The following RASGRF2 variants were observed in gnomAD, a reference collection of about 807,000 sequenced individuals.
The protein encoded by RASGRF2 is Ras protein specific guanine nucleotide releasing factor 2, also known as ras-specific guanine nucleotide-releasing factor 2.
In RASGRF2, 76 loss-of-function variants were observed where a neutral mutation model predicts 151.0. The observed-to-expected ratio is 0.50, with a 90% confidence interval of 0.42 to 0.61. RASGRF2 has a LOEUF of 0.61. RASGRF2 is among the 20% of genes least tolerant of loss of function. RASGRF2 has a pLI of 0.00. For synonymous variants in RASGRF2, 504 were observed against 566.5 expected (o/e 0.89, Z 1.57); for missense variants, 1,148 against 1,564.6 (o/e 0.73, Z 4.49).
At chr5:81,190,591 CTTTTT>C (rs924837725) in intron 18 of RASGRF2, among the ~76,000 whole-genome samples, 1 of 151,970 alleles carries the variant, frequency 6.6e-6, no homozygotes, top group Non-Finnish European at 1.5e-5. Flanking sequence ...ATTTTCTTTT[CTTTTT>C]TTTAATTCCA....
At chr5:80,980,368 A>T (rs1461049866) in intron 1 of RASGRF2, among the ~76,000 whole-genome samples, 1 of 152,146 alleles carries the variant, frequency 6.6e-6, no homozygotes, top group Non-Finnish European at 1.5e-5. Flanking sequence ...GGCTGGGTGC[A>T]GTGGTTCATG....
chr5:81,219,849 A>AT lies in RASGRF2; in HGVS notation c.3621+71_3621+72insT, dbSNP rs1755821347. 3.1e-6 allele frequency: 4 copies of AT among 1,305,418 alleles called. No individual in the cohort carries two copies. The Admixed American group carries it at 8.0e-5, about 26-fold the overall frequency. The allele number at this position is 1,305,418 out of a possible 1,614,324, so 80.9% of individuals were successfully genotyped here. On this transcript the variant is annotated intron_variant, in intron 26 of 26. Coordinates refer to ENST00000265080, the MANE Select transcript of RASGRF2 (RefSeq NM_006909.3). ...AATTAATGAATTAGAAAACAACAGT[A>AT]AAAGTTGATCCAAAATACCAAAAGC... is the stretch of plus-strand genomic sequence containing the variant.
intron 1 of RASGRF2, among the ~76,000 whole-genome samples, chr5:81,008,139 C>CTTTTTTTTTTTTTTTTTTTTTTTT (rs58105434): frequency 4.7e-5 from 4 of 85,388 alleles, no homozygotes; most frequent in Non-Finnish European, 8.9e-5. Flanking sequence ...TCTTTCTTTC[C>CTTTTTTTTTTTTTTTTTTTTTTTT]TTTTTTTTTT....
At chr5:81,126,563 C>G (rs975462691) in intron 16 of RASGRF2, among the ~76,000 whole-genome samples, 10 of 152,090 alleles carry the variant, frequency 6.6e-5, no homozygotes, top group African/African-American at 2.4e-4. Context: ...TCTCCATTCC[C>G]CCTCCAACCC....
At chr5:81,004,202 C>G (rs1337686218) in intron 1 of RASGRF2, among the ~76,000 whole-genome samples, 1 of 152,200 alleles carries the variant, frequency 6.6e-6, no homozygotes, top group Non-Finnish European at 1.5e-5. Flanking sequence ...GGCCTGTAGT[C>G]AGAATAAAGT....
chr5:80,983,247 A>C (rs983407356), intron 1 of RASGRF2, among the ~76,000 whole-genome samples: 1 of 152,184 alleles, frequency 6.6e-6, no homozygotes, highest in African/African-American at 2.4e-5. Flanking sequence ...GCTCAAGTCA[A>C]TACCAACATG....
intron 1 of RASGRF2, among the ~76,000 whole-genome samples, chr5:80,982,701 T>C (rs367080): frequency 0.63 from 95,549 of 150,866 alleles, 30,785 homozygotes; most frequent in East Asian, 0.76. Flanking sequence ...CCCGGGTTCA[T>C]GCCATTCTCC....
chr5:81,228,345 C>G lies in RASGRF2; in HGVS notation c.*2575C>G, dbSNP rs1756043752. On this transcript the variant is annotated 3_prime_UTR_variant, in exon 27 of 27. Transcript: ENST00000265080. ...GTTGATGACCTGCACTATTCGTGTG[C>G]CAGCTGGGAGAGGAATGCACATTTT... 1 of 152,194 alleles carries G rather than the reference C, an allele frequency of 6.6e-6. No homozygotes were observed. Among genetic ancestry groups the G allele is most frequent in the Non-Finnish European group, 1.5e-5 (1 of 68,044 alleles). The allele number at this position is 152,194 out of a possible 1,614,324, so 9.4% of individuals were successfully genotyped here.
At chr5:81,213,333 G>A (rs1217975521) in intron 23 of RASGRF2, among the ~76,000 whole-genome samples, 3 of 146,284 alleles carry the variant, frequency 2.1e-5, no homozygotes, top group South Asian at 2.2e-4. Context: ...GGCTGACCTC[G>A]TCTCAGGGGC....
rs115320210 is a variant in RASGRF2 at position 81,216,071 on chromosome 5, G to A, written c.3434+116G>A. 1,325 of 1,050,856 alleles carry A rather than the reference G, an allele frequency of 1.3e-3. 18 individuals carry two copies. The African/African-American group carries it at 0.018, about 15-fold the overall frequency. 65.1% of individuals were successfully genotyped at this position (1,050,856 alleles called of 1,614,324 possible). On this transcript the variant is annotated intron_variant, in intron 24 of 26. Transcript: ENST00000265080. ...TTGCTTTGAAAAGAAAAATAAATGG[G>A]AAACAACTTGTATCATCTAGGTATT...
chr5:81,221,285 G>C (rs1054355635), intron 26 of RASGRF2, among the ~76,000 whole-genome samples: 1 of 152,092 alleles, frequency 6.6e-6, no homozygotes, highest in South Asian at 2.1e-4. Flanking sequence ...CTCTCCTTGA[G>C]AGCGAAATAT....
At chr5:80,989,890 G>A (rs500676) in intron 1 of RASGRF2, among the ~76,000 whole-genome samples, 72,908 of 151,970 alleles carry the variant, frequency 0.48, 18,423 homozygotes, top group Middle Eastern at 0.67. Context: ...TTATAATGAG[G>A]TGAGAGGGAT....
chr5:81,037,518 T>C (rs1750540285), intron 1 of RASGRF2, among the ~76,000 whole-genome samples: 1 of 152,202 alleles, frequency 6.6e-6, no homozygotes, highest in South Asian at 2.1e-4. Context: ...TTCATGATGA[T>C]GTCCCTTTGT....
At chr5:81,133,049 G>A (rs1055948070) in intron 17 of RASGRF2, among the ~76,000 whole-genome samples, 8 of 152,034 alleles carry the variant, frequency 5.3e-5, no homozygotes, top group African/African-American at 1.9e-4. Context: ...GTGAGGGTGG[G>A]GGCATCAGTG....
At chr5:81,064,664 G>A (rs1249272696) in intron 2 of RASGRF2, among the ~76,000 whole-genome samples, 1 of 152,184 alleles carries the variant, frequency 6.6e-6, no homozygotes, top group Non-Finnish European at 1.5e-5. Context: ...CTGTGACTGT[G>A]AATGCTGCAT....
chr5:81,068,188 C>G lies in RASGRF2; in HGVS notation c.543+9C>G. 1 of 1,606,438 alleles carries G rather than the reference C, an allele frequency of 6.2e-7. No individual in the cohort carries two copies. The highest frequency in any genetic ancestry group is 8.5e-7 in the Non-Finnish European group (1 of 1,176,352). On this transcript the variant is annotated intron_variant, in intron 3 of 26. Coordinates refer to ENST00000265080, the MANE Select transcript of RASGRF2 (RefSeq NM_006909.3). ...AAAGGCTTAAATCAGAGGTATTTCC[C>G]AGTCAATAGATTCCTTCTCATTGTT...
chr5:81,031,483 G>A (rs566319348), intron 1 of RASGRF2, among the ~76,000 whole-genome samples: 30 of 152,254 alleles, frequency 2.0e-4, no homozygotes, highest in African/African-American at 7.2e-4. Context: ...CAAGAACTCA[G>A]GATTAAGAAA....
intron 1 of RASGRF2, 101 bp from the exon 2 acceptor site, chr5:81,042,776 G>A (rs562070845): frequency 5.0e-6 from 4 of 804,186 alleles, no homozygotes; most frequent in South Asian, 1.7e-5. Context: ...AAGCACTGAT[G>A]CATTTTGTAA....
chr5:81,058,886 A>G (rs1484978094), intron 2 of RASGRF2, among the ~76,000 whole-genome samples: 2 of 151,592 alleles, frequency 1.3e-5, no homozygotes, highest in Non-Finnish European at 2.9e-5. Context: ...GATTTATTTC[A>G]TTTGAATAAT....
Sources: allele counts gnomAD v4.1 joint callset (sites outside exome capture counted in the v4.1 genomes callset), GRCh38; gene constraint gnomAD v4.1.1; transcripts MANE v1.5; gene names NCBI Gene and HGNC (gene_info 2026-07-23, HGNC 2026-07-21).